The following PLCL1 variants were observed in gnomAD, a reference collection of about 807,000 sequenced individuals.
PLCL1 encodes inactive phospholipase C-like protein 1.
PLCL1 carries 41 observed loss-of-function variants against 84.4 expected under a neutral mutation model. The observed-to-expected ratio is 0.49, with a 90% CI of 0.38 to 0.63. PLCL1 has a LOEUF of 0.63. PLCL1 is among the 30% of genes least tolerant of loss of function. PLCL1 has a pLI of 0.00. For missense variants in PLCL1, 1,206 were observed against 1,367.8 expected (o/e 0.88, Z 1.87); for synonymous variants, 490 against 488.3 (o/e 1.00, Z -0.05).
chr2:198,106,914 T>G (rs1344214423), intron 5 of PLCL1, among the ~76,000 whole-genome samples: 1 of 151,836 alleles, frequency 6.6e-6, no homozygotes, highest in Non-Finnish European at 1.5e-5. Flanking sequence ...AGCCTGCAAT[T>G]TTTAACTCAC....
At chr2:198,026,685 C>G (rs993013538) in intron 1 of PLCL1, among the ~76,000 whole-genome samples, 3 of 152,102 alleles carry the variant, frequency 2.0e-5, no homozygotes, top group Admixed American at 6.6e-5. Context: ...AAAAATTGGG[C>G]AAAGGACCTG....
intron 1 of PLCL1, among the ~76,000 whole-genome samples, chr2:197,896,024 C>T (rs999120316): frequency 2.6e-5 from 4 of 151,720 alleles, no homozygotes; most frequent in Non-Finnish European, 5.9e-5. Context: ...TTTGGAATGC[C>T]TGGCTGAGAT....
rs1689318961 is a variant in PLCL1 at position 197,948,160 on chromosome 2, TTTGCTG to T, written c.241-135597_241-135592del. On this transcript the variant is annotated intron_variant, in intron 1 of 5. Coordinates refer to ENST00000428675, the MANE Select transcript of PLCL1 (RefSeq NM_006226.4). Reference sequence around the variant, plus strand: ...GATTTTGGGGGTAGAACAGAAAGGATTTGCTGATGGATGGGAGGATATGAGCAGTGA... The same window carrying T: ...GATTTTGGGGGTAGAACAGAAAGGATATGGATGGGAGGATATGAGCAGTGA... Among the ~76,000 whole-genome samples the T allele has an allele frequency of 2.0e-5, 3 of 152,026 alleles. No individual in the cohort carries two copies. In the South Asian group the frequency reaches 6.2e-4, roughly 32 times the overall value.
At chr2:197,900,124 C>G (rs1688236252) in intron 1 of PLCL1, among the ~76,000 whole-genome samples, 1 of 152,212 alleles carries the variant, frequency 6.6e-6, no homozygotes, top group South Asian at 2.1e-4. Flanking sequence ...TTTGTCCCCA[C>G]CACTAAAATG....
intron 5 of PLCL1, among the ~76,000 whole-genome samples, chr2:198,134,779 C>A (rs529409170): frequency 6.8e-4 from 103 of 152,258 alleles, no homozygotes; most frequent in African/African-American, 2.3e-3. Context: ...TTGTGTAACA[C>A]GGGACAGATG....
chr2:197,958,549 C>G (rs1485170752), intron 1 of PLCL1, among the ~76,000 whole-genome samples: 2 of 152,026 alleles, frequency 1.3e-5, no homozygotes, highest in African/African-American at 4.8e-5. Context: ...CATCTAACCA[C>G]ATTGATCTTT....
chr2:198,036,719 C>A (rs1402206416), intron 1 of PLCL1, among the ~76,000 whole-genome samples: 1 of 152,188 alleles, frequency 6.6e-6, no homozygotes, highest in Non-Finnish European at 1.5e-5. Flanking sequence ...TTAGGCACTA[C>A]ACAAAACTTT....
At chr2:198,026,275 T>C (rs929501607) in intron 1 of PLCL1, among the ~76,000 whole-genome samples, 3 of 152,228 alleles carry the variant, frequency 2.0e-5, no homozygotes, top group African/African-American at 7.2e-5. Flanking sequence ...CTAATATGCA[T>C]ATAACTTCTC....
At chr2:197,840,972 G>A (rs562081900) in intron 1 of PLCL1, among the ~76,000 whole-genome samples, 2 of 152,272 alleles carry the variant, frequency 1.3e-5, no homozygotes, top group African/African-American at 2.4e-5. Context: ...CTGGAAAGTA[G>A]TTAAATTTCT....
At chr2:198,128,637 T>G (rs1363293362) in intron 5 of PLCL1, among the ~76,000 whole-genome samples, 1 of 152,120 alleles carries the variant, frequency 6.6e-6, no homozygotes, top group Non-Finnish European at 1.5e-5. Context: ...AGTACTGATC[T>G]TAGGAGCAGT....
chr2:197,868,433 G>A (rs959592924), intron 1 of PLCL1, among the ~76,000 whole-genome samples: 2 of 152,154 alleles, frequency 1.3e-5, no homozygotes, highest in African/African-American at 4.8e-5. Context: ...CTATTCTTGT[G>A]TACTTTATCT....
At chr2:198,106,881 A>C (rs1326227865) in intron 5 of PLCL1, among the ~76,000 whole-genome samples, 2 of 151,776 alleles carry the variant, frequency 1.3e-5, no homozygotes, top group Admixed American at 6.6e-5. Context: ...TCTTGCCTGG[A>C]GTCACACAGC....
chr2:198,075,169 C>T (rs1692548982), intron 1 of PLCL1, among the ~76,000 whole-genome samples: 1 of 152,176 alleles, frequency 6.6e-6, no homozygotes, highest in African/African-American at 2.4e-5. Flanking sequence ...ATTCCTGGGC[C>T]CTGCTGTGCA....
At chr2:198,093,248 A>G (rs1220240469) in intron 3 of PLCL1, among the ~76,000 whole-genome samples, 1 of 152,250 alleles carries the variant, frequency 6.6e-6, no homozygotes, top group Non-Finnish European at 1.5e-5. Context: ...AACAACCTAT[A>G]GAATGTACAA....
intron 1 of PLCL1, among the ~76,000 whole-genome samples, chr2:197,950,455 T>C (rs80201598): frequency 0.014 from 2,195 of 152,194 alleles, 70 homozygotes; most frequent in African/African-American, 0.049. Flanking sequence ...GGTGGGGCAT[T>C]TGTTTTTCAA....
At chr2:198,021,144 G>A (rs1286531369) in intron 1 of PLCL1, among the ~76,000 whole-genome samples, 1 of 152,160 alleles carries the variant, frequency 6.6e-6, no homozygotes, top group Non-Finnish European at 1.5e-5. Flanking sequence ...GTTCCTGAAT[G>A]ACTACTGGGT....
chr2:197,968,465 C>T (rs532078075), intron 1 of PLCL1, among the ~76,000 whole-genome samples: 1 of 152,082 alleles, frequency 6.6e-6, no homozygotes, highest in East Asian at 1.9e-4. Context: ...CAAAAGTATT[C>T]ATCATTTTTG....
intron 5 of PLCL1, among the ~76,000 whole-genome samples, chr2:198,138,023 G>A (rs1260397521): frequency 1.3e-5 from 2 of 152,094 alleles, no homozygotes; most frequent in Admixed American, 6.6e-5. Context: ...GTCATGCTCT[G>A]GGCAGGGCAG....
intron 1 of PLCL1, among the ~76,000 whole-genome samples, chr2:198,015,469 G>C (rs1221466814): frequency 1.3e-5 from 2 of 152,032 alleles, no homozygotes; most frequent in African/African-American, 4.8e-5. Context: ...GATTTAGTTG[G>C]TTTATAATAA....
Sources: gnomAD v4.1 joint callset for allele counts (sites outside exome capture counted in the v4.1 genomes callset) on GRCh38, gnomAD v4.1.1 for gene constraint, MANE v1.5 for transcripts, NCBI Gene and HGNC (gene_info 2026-07-23, HGNC 2026-07-21) for gene names.